Variants in COL26A1 observed in about 807,000 individuals in gnomAD.
The protein encoded by COL26A1 is collagen alpha-1(XXVI) chain.
COL26A1 carries 41 observed loss-of-function variants against 59.3 expected under a neutral mutation model. The ratio of observed to expected loss-of-function variants is 0.69; its 90% CI spans 0.54 to 0.90. The LOEUF is 0.90. Ranked by LOEUF, COL26A1 falls within the 40% of genes least tolerant of loss-of-function variation. The probability of loss-of-function intolerance (pLI) is 0.00; values close to 1 mark genes in which losing one functional copy is unlikely to be tolerated. For missense variants in COL26A1, 612 were observed against 602.3 expected (o/e 1.02, Z -0.17); for synonymous variants, 266 against 256.0 (o/e 1.04, Z -0.37).
intron 3 of COL26A1, among the ~76,000 whole-genome samples, chr7:101,500,712 T>A (rs941785827): frequency 1.3e-5 from 2 of 151,884 alleles, no homozygotes; most frequent in African/African-American, 2.4e-5. Flanking sequence ...TCCCAGCTAC[T>A]TGGGAGGCTG....
intron 1 of COL26A1, among the ~76,000 whole-genome samples, chr7:101,397,543 C>CT (rs370220726): frequency 0.4 from 50,194 of 125,826 alleles, 12,785 homozygotes; most frequent in Middle Eastern, 0.55. Context: ...CCCCCCCCTC[C>CT]TTTTTTTTTT....
intron 3 of COL26A1, among the ~76,000 whole-genome samples, chr7:101,472,439 T>A (rs1315315431): frequency 6.6e-6 from 1 of 152,136 alleles, no homozygotes; most frequent in Non-Finnish European, 1.5e-5. Context: ...TAACCAAGAG[T>A]GCCTAACTTC....
At position 101,544,171 on chromosome 7, in the gene COL26A1, C is replaced by T. The variant is rs145431312; in HGVS notation, c.703+75C>T. 3.6e-3 allele frequency: 4,182 copies of T among 1,156,446 alleles called. 44 individuals are homozygous for T. Among genetic ancestry groups the T allele is most frequent in the South Asian group, 0.021 (1,561 of 74,266 alleles). The allele number at this position is 1,156,446 out of a possible 1,614,324, so 71.6% of individuals were successfully genotyped here. On this transcript the variant is annotated intron_variant, in intron 6 of 12. Transcript: ENST00000313669. ...GGGCTTTCTTCTCTACTGGAACAGG[C>T]GAGGTGTCCCACGCACCCACAGCCC...
chr7:101,465,288 C>A (rs2130442358), intron 3 of COL26A1, among the ~76,000 whole-genome samples: 1 of 152,234 alleles, frequency 6.6e-6, no homozygotes, highest in African/African-American at 2.4e-5. Flanking sequence ...GATCCTCCTG[C>A]CTCAGCTTCT....
intron 1 of COL26A1, among the ~76,000 whole-genome samples, chr7:101,395,149 G>A (rs192735927): frequency 2.0e-5 from 3 of 151,954 alleles, no homozygotes; most frequent in Admixed American, 6.6e-5. Context: ...CTGGGATTGC[G>A]GGCATGAGCC....
At chr7:101,512,874 T>C (rs1794955257) in intron 3 of COL26A1, among the ~76,000 whole-genome samples, 1 of 152,154 alleles carries the variant, frequency 6.6e-6, no homozygotes, top group East Asian at 1.9e-4. Flanking sequence ...CACCTATGCA[T>C]GATGAAAACT....
At chr7:101,370,796 C>T (rs1236766043) in intron 1 of COL26A1, among the ~76,000 whole-genome samples, 2 of 152,174 alleles carry the variant, frequency 1.3e-5, no homozygotes, top group African/African-American at 4.8e-5. Context: ...CTCCCTCTTA[C>T]CTTGACTCCC....
At chr7:101,430,350 G>A (rs1792749858) in intron 2 of COL26A1, among the ~76,000 whole-genome samples, 1 of 151,774 alleles carries the variant, frequency 6.6e-6, no homozygotes, top group African/African-American at 2.4e-5. Context: ...GTGTAGTGGC[G>A]CGATCTCAGC....
intron 2 of COL26A1, among the ~76,000 whole-genome samples, chr7:101,435,579 A>G (rs1362553010): frequency 6.6e-6 from 1 of 152,018 alleles, no homozygotes; most frequent in African/African-American, 2.4e-5. Context: ...GGCTCTGTTC[A>G]TTGCAGTGGG....
chr7:101,448,696 T>C (rs576379043), intron 3 of COL26A1, among the ~76,000 whole-genome samples: 2 of 152,234 alleles, frequency 1.3e-5, no homozygotes, highest in East Asian at 3.9e-4. Context: ...TCTTGCATTG[T>C]TGCTCAGGCT....
intron 3 of COL26A1, among the ~76,000 whole-genome samples, chr7:101,513,944 G>A (rs1383310645): frequency 6.6e-6 from 1 of 152,088 alleles, no homozygotes; most frequent in African/African-American, 2.4e-5. Context: ...ACGGGTCAAG[G>A]GCATGAATGG....
intron 1 of COL26A1, among the ~76,000 whole-genome samples, chr7:101,401,708 GGTA>G (rs1389321014): frequency 6.8e-6 from 1 of 148,032 alleles, no homozygotes; most frequent in Non-Finnish European, 1.5e-5. Flanking sequence ...AAGAGTAGGA[GGTA>G]GAGGAAGAGG....
chr7:101,519,768 G>T (rs570806104), intron 3 of COL26A1, among the ~76,000 whole-genome samples: 1 of 152,316 alleles, frequency 6.6e-6, no homozygotes, highest in South Asian at 2.1e-4. Context: ...GTAACTAACG[G>T]AGCTAGAAGT....
At chr7:101,544,681 T>C (rs1795693073) in intron 6 of COL26A1, among the ~76,000 whole-genome samples, 1 of 151,522 alleles carries the variant, frequency 6.6e-6, no homozygotes. Context: ...TACAGGTGCC[T>C]GCCACCATGC....
Position 101,558,209 on chromosome 7 carries a change from G to C in COL26A1, c.*679G>C, listed in dbSNP as rs10264537. ...TCCTCATCCCCCTTCCCCACTGGCT[G>C]GGGGAGCAGCCTGGACTGCAGCTCT... On this transcript the variant is annotated 3_prime_UTR_variant, in exon 13 of 13. Transcript: ENST00000313669. 92,207 of 152,368 alleles carry C rather than the reference G, an allele frequency of 0.61. 28,426 individuals carry two copies. The highest frequency in any genetic ancestry group is 0.97 in the East Asian group (5,023 of 5,156). The allele number at this position is 152,368 out of a possible 1,614,324, so 9.4% of individuals were successfully genotyped here.
At position 101,364,342 on chromosome 7, in the gene COL26A1, A is replaced by AT. The variant is rs11334864; in HGVS notation, c.158+1164dup. Among the ~76,000 whole-genome samples the AT allele has an allele frequency of 1.6e-3, 237 of 150,176 alleles. 2 individuals are homozygous for AT. Among genetic ancestry groups the AT allele is most frequent in the African/African-American group, 3.7e-3 (151 of 41,326 alleles). On this transcript the variant is annotated intron_variant, in intron 1 of 12. Transcript: ENST00000313669. The stretch of plus-strand genomic sequence containing the variant: ...CCCTCCGTCTCTTTTTTATATTTTA[A>AT]TTTTTTTTTTTTGCAGAGGCAGAAT...
At chr7:101,427,953 C>T (rs968179790) in intron 2 of COL26A1, among the ~76,000 whole-genome samples, 1 of 152,126 alleles carries the variant, frequency 6.6e-6, no homozygotes, top group African/African-American at 2.4e-5. Context: ...ATGTAAACAG[C>T]CTCTCCTGGT....
chr7:101,520,664 C>CACACACACACACACA lies in COL26A1; in HGVS notation c.386-12418_386-12417insACACACACACACACA, dbSNP rs1554341000. ...CACACACACACACACACACACACAC[C>CACACACACACACACA]CCCGTGTTCTTGCATGTTTTTGCTC... On this transcript the variant is annotated intron_variant, in intron 3 of 12. Coordinates refer to ENST00000313669, the MANE Select transcript of COL26A1 (RefSeq NM_001278563.3). 8.8e-3 allele frequency among the ~76,000 whole-genome samples: 845 copies of CACACACACACACACA among 95,916 alleles called. 5 individuals are homozygous for CACACACACACACACA. The highest frequency in any genetic ancestry group is 0.02 in the African/African-American group (423 of 21,302). 62.9% of individuals were successfully genotyped at this position (95,916 alleles called of 152,430 possible).
intron 3 of COL26A1, among the ~76,000 whole-genome samples, chr7:101,477,429 C>A (rs1486973635): frequency 6.6e-6 from 1 of 152,130 alleles, no homozygotes; most frequent in Middle Eastern, 3.2e-3. Context: ...GTATTATAAG[C>A]CCTCAGTGAC....
Sources: allele counts gnomAD v4.1 joint callset (sites outside exome capture counted in the v4.1 genomes callset), GRCh38; gene constraint gnomAD v4.1.1; transcripts MANE v1.5; gene names NCBI Gene and HGNC (gene_info 2026-07-23, HGNC 2026-07-21).